SLC27A3: variants seen among roughly 807,000 people sequenced by gnomAD.
SLC27A3 encodes the protein long-chain fatty acid transport protein 3.
Under a neutral mutation model 60.1 loss-of-function variants are expected in SLC27A3, and 60 were observed. The ratio of observed to expected loss-of-function variants is 1.00; its 90% CI spans 0.81 to 1.24. SLC27A3 has a LOEUF of 1.24. Ranked by LOEUF, SLC27A3 falls within the 50% of genes most tolerant of loss-of-function variation. The pLI, the probability that SLC27A3 is intolerant of heterozygous loss-of-function variation, is 0.00. For synonymous variants in SLC27A3, 455 were observed against 409.0 expected (o/e 1.11, Z -1.36); for missense variants, 1,079 against 929.9 (o/e 1.16, Z -2.09).
At chr1:153,778,108 C>T (rs767373207) in intron 4 of SLC27A3, 53 bp from the exon 5 acceptor site, 56 of 1,557,242 alleles carry the variant, frequency 3.6e-5, no homozygotes, top group African/African-American at 2.4e-4. Context: ...AATTCACTTC[C>T]GGGAGCGGGC....
At chr1:153,776,779 A>G (rs1558019949) in intron 2 of SLC27A3, 52 bp downstream of exon 2, 10 of 1,568,334 alleles carry the variant, frequency 6.4e-6, no homozygotes, top group Middle Eastern at 1.7e-4. Flanking sequence ...AGAGGAAGGC[A>G]GGGGTCTGCT....
chr1:153,777,731 C>CCTT (rs67865767), intron 3 of SLC27A3, 30 bp from the exon 4 acceptor site: 587,858 of 1,609,012 alleles, frequency 0.37, 109,532 homozygotes, highest in East Asian at 0.46. Flanking sequence ...AATCTTACCT[C>CCTT]CCTTCTTCCC....
rs774501470 is a variant in SLC27A3 at position 153,777,855 on chromosome 1, G to A, written c.1131G>A (p.Glu377=). The A allele has an allele frequency of 7.4e-6, 12 of 1,614,130 alleles. No homozygotes were observed. Among genetic ancestry groups the A allele is most frequent in the Non-Finnish European group, 9.3e-6 (11 of 1,180,048 alleles). Residue 377 remains glutamate, a synonymous_variant, in exon 4 of 10, where the codon GAG becomes GAA. Transcript: ENST00000624995. ...TGACGGTGTTCCAGTACATTGGGGAGCTGTGCCGATACCTTGTCAACCAGC... is the reference window on the plus strand; with the variant it reads ...TGACGGTGTTCCAGTACATTGGGGAACTGTGCCGATACCTTGTCAACCAGC... ...HRVTVFQYIG[E]LCRYLVNQPP...
rs749428513 is a variant in SLC27A3 at position 153,779,868 on chromosome 1, C to T, written c.1918C>T (p.Arg640Trp). The change falls in exon 10 of 10, where the codon CGG becomes TGG. Residue 640 changes from arginine (R) to tryptophan (W), a missense_variant. Physicochemically the swap from Arg to Trp is moderately radical, Grantham distance 101. Transcript: ENST00000624995. ...AGAGACCTTCAAACAGCAGAAAGTT[C>T]GGATGGCAAATGAGGGCTTCGACCC... ...TTETFKQQKV[R>W]MANEGFDPST... 11 of 1,614,100 alleles carry T rather than the reference C, an allele frequency of 6.8e-6. No individual in the cohort carries two copies. Among genetic ancestry groups the T allele is most frequent in the African/African-American group, 1.3e-5 (1 of 75,016 alleles).
In SLC27A3 at chr1:153,776,744, A is replaced by G. The variant is rs763823106; in HGVS notation, c.877+17A>G. The G allele has an allele frequency of 1.2e-6, 2 of 1,613,374 alleles. No individual in the cohort carries two copies. The highest frequency in any genetic ancestry group is 3.3e-5 in the Admixed American group (2 of 59,982). ...GCACCACGGGTGAGGGCCGGGCACC[A>G]TACTTAGCTCCCCGAAACCAAGGCA... On this transcript the variant is annotated intron_variant, in intron 2 of 9. Coordinates refer to ENST00000624995, the MANE Select transcript of SLC27A3 (RefSeq NM_024330.4).
intron 4 of SLC27A3, 65 bp from the exon 5 acceptor site, chr1:153,778,096 G>C: frequency 4.5e-6 from 7 of 1,547,450 alleles, no homozygotes; most frequent in Non-Finnish European, 6.1e-6. Context: ...ATGGGGAACA[G>C]GAATTCACTT....
chr1:153,776,882 C>A (rs1278636690), intron 2 of SLC27A3, among the ~76,000 whole-genome samples, 155 bp downstream of exon 2: 1 of 152,200 alleles, frequency 6.6e-6, no homozygotes, highest in Non-Finnish European at 1.5e-5. Flanking sequence ...GTCTCCTCAC[C>A]TCCTACTCAT....
Position 153,775,752 on chromosome 1 carries a change from T to G in SLC27A3, c.255T>G (p.Ile85Met). ...AQQRAAHTFL[I>M]HGSRRFSYSE... is the part of the protein sequence containing the mutation. ...AGCGCGCCGCGCACACCTTTCTCAT[T>G]CACGGCTCGCGGCGCTTTAGCTACT... The change falls in exon 1 of 10, where the codon ATT (isoleucine) becomes ATG (methionine). Residue 85 changes from isoleucine (I) to methionine (M), a missense_variant. By Grantham distance (10) the Ile-to-Met change is conservative (BLOSUM62 1). Transcript: ENST00000624995. 1 of 1,505,332 alleles carries G rather than the reference T, an allele frequency of 6.6e-7. No individual in the cohort carries two copies. Among genetic ancestry groups the G allele is most frequent in the Non-Finnish European group, 8.8e-7 (1 of 1,132,328 alleles). 93.2% of individuals were successfully genotyped at this position (1,505,332 alleles called of 1,614,324 possible).
rs142189417 is a variant in SLC27A3, at chr1:153,779,437, GC to G, written c.1841del (p.Pro614HisfsTer49). The G allele has an allele frequency of 4.3e-4, 694 of 1,613,812 alleles. 9 individuals are homozygous for G. In the East Asian group the frequency reaches 0.015, roughly 35 times the overall value. On this transcript the variant is annotated frameshift_variant, in exon 9 of 10. Coordinates refer to ENST00000624995, the MANE Select transcript of SLC27A3 (RefSeq NM_024330.4). LOFTEE classifies it low-confidence loss of function (END_TRUNC). ...QLYTHVSENL[P>X]PYARPRFLRL... ...TCTACACCCACGTGTCTGAGAACTT[GC>G]CACCTTATGCCCGGCCCCGATTCCT... is the stretch of plus-strand genomic sequence containing the variant.
Position 153,779,341 on chromosome 1 carries a change from A to G in SLC27A3, c.1745-2A>G, listed in dbSNP as rs201855230. The stretch of plus-strand genomic sequence containing the variant: ...GCTTACTCTGTCTCCCACACCCACC[A>G]GGGCATGAAGGCAGGGCTGGAATGG... On this transcript the variant is annotated splice_acceptor_variant, in intron 8 of 9. Transcript: ENST00000624995. LOFTEE classifies it high-confidence loss of function. 1.2e-6 allele frequency: 2 copies of G among 1,613,952 alleles called. No individual in the cohort carries two copies. Among genetic ancestry groups the G allele is most frequent in the Non-Finnish European group, 1.7e-6 (2 of 1,179,922 alleles).
At position 153,775,481 on chromosome 1, in the gene SLC27A3, T is replaced by G; in HGVS notation, c.-17T>G. The G allele has an allele frequency of 6.2e-7, 1 of 1,613,202 alleles. No individual in the cohort carries two copies. Among genetic ancestry groups the G allele is most frequent in the Non-Finnish European group, 8.5e-7 (1 of 1,180,014 alleles). Reference sequence around the variant, plus strand: ...AGCGGCTGGAACCAGACGGTGCCGATAGAGGAAGCGGGCTCCATGGCTGCC... The same window carrying G: ...AGCGGCTGGAACCAGACGGTGCCGAGAGAGGAAGCGGGCTCCATGGCTGCC... On this transcript the variant is annotated 5_prime_UTR_variant, in exon 1 of 10. Coordinates refer to ENST00000624995, the MANE Select transcript of SLC27A3 (RefSeq NM_024330.4).
intron 3 of SLC27A3, 57 bp from the exon 4 acceptor site, chr1:153,777,703 GC>G: frequency 6.2e-7 from 1 of 1,600,076 alleles, no homozygotes; most frequent in East Asian, 2.2e-5. Flanking sequence ...AGGGGCTTGG[GC>G]TCCCCACTCT....
Position 153,779,437 on chromosome 1 carries a change from G to GC in SLC27A3, c.1841dup (p.Pro615ThrfsTer30). On this transcript the variant is annotated frameshift_variant, in exon 9 of 10. Transcript: ENST00000624995. LOFTEE classifies it low-confidence loss of function (END_TRUNC). The stretch of plus-strand genomic sequence containing the variant: ...TCTACACCCACGTGTCTGAGAACTT[G>GC]CCACCTTATGCCCGGCCCCGATTCC... The GC allele has an allele frequency of 1.9e-6, 3 of 1,613,812 alleles. No homozygotes were observed. Among genetic ancestry groups the GC allele is most frequent in the Non-Finnish European group, 2.5e-6 (3 of 1,179,956 alleles).
chr1:153,778,758 C>G lies in SLC27A3; in HGVS notation c.1519C>G (p.Leu507Val). 2 of 1,614,000 alleles carry G rather than the reference C, an allele frequency of 1.2e-6. No homozygotes were observed. The highest frequency in any genetic ancestry group is 1.7e-5 in the Admixed American group (1 of 60,022). Residue 507 changes from leucine to valine, a missense_variant, in exon 7 of 10, where the codon CTG becomes GTG. Leu to Val is a conservative substitution (Grantham distance 32). Coordinates refer to ENST00000624995, the MANE Select transcript of SLC27A3 (RefSeq NM_024330.4). The stretch of plus-strand genomic sequence containing the variant: ...CCTGGGCTATGCTGGCGGGCCAGAG[C>G]TGGCCCAGGGGAAGTTGCTAAAGGA... ...PFLGYAGGPELAQGKLLKDVF... is the reference protein window; with the variant it reads ...PFLGYAGGPEVAQGKLLKDVF...
intron 3 of SLC27A3, 146 bp from the exon 4 acceptor site, chr1:153,777,615 C>A: frequency 9.5e-7 from 1 of 1,052,194 alleles, no homozygotes; most frequent in Non-Finnish European, 1.4e-6. Context: ...AGAGGGCCAG[C>A]ACGGCTTCCT....
Position 153,779,229 on chromosome 1 carries a change from GT to G in SLC27A3, c.1744+19del. On this transcript the variant is annotated intron_variant, in intron 8 of 9. Coordinates refer to ENST00000624995, the MANE Select transcript of SLC27A3 (RefSeq NM_024330.4). ...TGTGCCAGGTGCCTAGGCATGGAAG[GT>G]GGGGGAGGCACCCAGCCACCACCCC... 6.2e-7 allele frequency: 1 copy of G among 1,613,848 alleles called. No individual in the cohort carries two copies. Among genetic ancestry groups the G allele is most frequent in the African/African-American group, 1.3e-5 (1 of 75,034 alleles).
At chr1:153,779,756 T>A (rs913486132) in intron 9 of SLC27A3, 70 bp from the exon 10 acceptor site, 20 of 1,455,456 alleles carry the variant, frequency 1.4e-5, no homozygotes, top group Non-Finnish European at 1.9e-5. Context: ...TTAACAAAAT[T>A]CAGGCAACTC....
In SLC27A3 at chr1:153,776,137, G is replaced by T; in HGVS notation, c.640G>T (p.Gly214Cys). 7.0e-7 allele frequency: 1 copy of T among 1,433,810 alleles called. No individual in the cohort carries two copies. The highest frequency in any genetic ancestry group is 9.0e-7 in the Non-Finnish European group (1 of 1,106,510). 88.8% of individuals were successfully genotyped at this position (1,433,810 alleles called of 1,614,324 possible). A position where few individuals can be genotyped will look rare whatever the true frequency, so the allele number is the denominator to read the frequency against. ...GPLLHCLRSC[G>C]ARALVLAPEF... ...CCTGCTGCACTGCCTCCGCAGCTGC[G>T]GCGCGCGCGCGCTGGTGCTGGCGCC... The change falls in exon 1 of 10, where the codon GGC becomes TGC. Residue 214 changes from glycine to cysteine, a missense_variant. Physicochemically the swap from Gly to Cys is radical, Grantham distance 159. Coordinates refer to ENST00000624995, the MANE Select transcript of SLC27A3 (RefSeq NM_024330.4).
intron 9 of SLC27A3, 90 bp downstream of exon 9, chr1:153,779,563 T>C: frequency 7.0e-7 from 1 of 1,428,604 alleles, no homozygotes. Flanking sequence ...GTTTGATGGC[T>C]CCCAAACTCC....
Sources: allele counts gnomAD v4.1 joint callset (sites outside exome capture counted in the v4.1 genomes callset), GRCh38; gene constraint gnomAD v4.1.1; transcripts MANE v1.5; gene names NCBI Gene and HGNC (gene_info 2026-07-23, HGNC 2026-07-21).